PDGFC: variants seen among roughly 807,000 people sequenced by gnomAD.
PDGFC encodes platelet-derived growth factor C.
In PDGFC, 12 loss-of-function variants were observed where a neutral mutation model predicts 35.5. The ratio of observed to expected loss-of-function variants is 0.34; its 90% CI spans 0.22 to 0.55. PDGFC has a LOEUF of 0.55. Among genes scored for constraint, PDGFC ranks in the 20% least tolerant of loss-of-function variants. The probability of loss-of-function intolerance (pLI) is 0.91; values close to 1 mark genes in which losing one functional copy is unlikely to be tolerated. For synonymous variants in PDGFC, 159 were observed against 148.8 expected, an observed-to-expected ratio of 1.07 and a Z score of -0.50; for missense variants, 322 against 412.4, an observed-to-expected ratio of 0.78 and a Z score of 1.90.
At chr4:156,944,656 G>T (rs544269344) in intron 1 of PDGFC, among the ~76,000 whole-genome samples, 1 of 152,034 alleles carries the variant, frequency 6.6e-6, no homozygotes, top group African/African-American at 2.4e-5. Context: ...TCAGGCTGGC[G>T]CCTGACAATC....
intron 3 of PDGFC, among the ~76,000 whole-genome samples, chr4:156,808,779 C>T (rs552371855): frequency 6.6e-6 from 1 of 151,914 alleles, no homozygotes; most frequent in South Asian, 2.1e-4. Context: ...CTTCTGCAGA[C>T]AGTTTATTAA....
intron 1 of PDGFC, among the ~76,000 whole-genome samples, chr4:156,886,342 G>C (rs1425369257): frequency 6.6e-6 from 1 of 152,044 alleles, no homozygotes; most frequent in Non-Finnish European, 1.5e-5. Context: ...AAGACCAAAA[G>C]GTTAACTGCT....
At chr4:156,788,846 T>G (rs2110873305) in intron 3 of PDGFC, among the ~76,000 whole-genome samples, 1 of 152,348 alleles carries the variant, frequency 6.6e-6, no homozygotes. Context: ...GACTTCTGAT[T>G]ATTTTGTGCA....
intron 5 of PDGFC, among the ~76,000 whole-genome samples, chr4:156,764,923 T>C (rs1196399207): frequency 1.3e-5 from 2 of 152,134 alleles, no homozygotes; most frequent in East Asian, 3.9e-4. Context: ...TGTATGCATT[T>C]TCCCATTCAG....
At chr4:156,918,257 T>C (rs554541984) in intron 1 of PDGFC, among the ~76,000 whole-genome samples, 1 of 152,350 alleles carries the variant, frequency 6.6e-6, no homozygotes, top group African/African-American at 2.4e-5. Flanking sequence ...TCTCACTCAG[T>C]ATCATTTTCC....
At chr4:156,942,266 C>T (rs892189987) in intron 1 of PDGFC, among the ~76,000 whole-genome samples, 2 of 152,026 alleles carry the variant, frequency 1.3e-5, no homozygotes, top group Non-Finnish European at 1.5e-5. Context: ...AAGAGCTCAA[C>T]GCAAACAGGA....
chr4:156,768,450 T>C (rs1463019887), intron 4 of PDGFC, among the ~76,000 whole-genome samples: 1 of 152,108 alleles, frequency 6.6e-6, no homozygotes, highest in East Asian at 1.9e-4. Context: ...AACAATTTAT[T>C]GAAATGTGTC....
At chr4:156,798,704 G>A (rs1483923289) in intron 3 of PDGFC, among the ~76,000 whole-genome samples, 1 of 152,088 alleles carries the variant, frequency 6.6e-6, no homozygotes, top group Non-Finnish European at 1.5e-5. Flanking sequence ...TCCTCACTCA[G>A]GTATTGAAAG....
chr4:156,901,645 A>G (rs935561041), intron 1 of PDGFC, among the ~76,000 whole-genome samples: 15 of 151,898 alleles, frequency 9.9e-5, no homozygotes, highest in African/African-American at 3.6e-4. Flanking sequence ...TTTCTAAGAC[A>G]GAGTCCTGCT....
intron 5 of PDGFC, 74 bp from the exon 6 acceptor site, chr4:156,763,280 G>A (rs917673908): frequency 5.2e-5 from 34 of 651,982 alleles, no homozygotes; most frequent in East Asian, 1.8e-4. Flanking sequence ...AACAAGTAAC[G>A]TTTTAGAAAA....
intron 1 of PDGFC, among the ~76,000 whole-genome samples, chr4:156,877,444 C>G (rs6816164): frequency 0.016 from 2,373 of 151,998 alleles, 61 homozygotes; most frequent in African/African-American, 0.054. Context: ...GTAAGTCAAT[C>G]GTGAAATTAT....
chr4:156,835,680 T>C (rs1337351994), intron 2 of PDGFC, among the ~76,000 whole-genome samples: 2 of 152,168 alleles, frequency 1.3e-5, no homozygotes, highest in African/African-American at 4.8e-5. Context: ...AATGACAAAA[T>C]AGGCAAAGTA....
intron 1 of PDGFC, among the ~76,000 whole-genome samples, chr4:156,944,710 C>T (rs1731896737): frequency 1.3e-5 from 2 of 152,146 alleles, no homozygotes; most frequent in Non-Finnish European, 2.9e-5. Context: ...ATACCAACAG[C>T]TCTCATTTCA....
At chr4:156,943,444 C>T (rs145551867) in intron 1 of PDGFC, among the ~76,000 whole-genome samples, 13 of 152,130 alleles carry the variant, frequency 8.5e-5, no homozygotes, top group Admixed American at 7.2e-4. Context: ...AGGCCCCACC[C>T]GCAAGCCTAC....
rs143927234 is a variant in PDGFC, at chr4:156,951,666, T to A, written c.118+19120A>T. On this transcript the variant is annotated intron_variant, in intron 1 of 5. Coordinates refer to ENST00000502773, the MANE Select transcript of PDGFC (RefSeq NM_016205.3). Reference sequence around the variant, plus strand: ...CAGTCTTAATTTTGTGATACTATTCTGGACAGAGAAAGGTCCTTCTTAATT... The same window carrying A: ...CAGTCTTAATTTTGTGATACTATTCAGGACAGAGAAAGGTCCTTCTTAATT... Among the ~76,000 whole-genome samples the A allele has an allele frequency of 5.9e-3, 898 of 151,274 alleles. 9 individuals carry two copies. Among genetic ancestry groups the A allele is most frequent in the African/African-American group, 0.02 (847 of 41,330 alleles).
chr4:156,804,599 A>T (rs1731708338), intron 3 of PDGFC, among the ~76,000 whole-genome samples: 1 of 151,860 alleles, frequency 6.6e-6, no homozygotes, highest in Non-Finnish European at 1.5e-5. Flanking sequence ...TTTTATAGGT[A>T]TTTTTTTCCT....
intron 3 of PDGFC, among the ~76,000 whole-genome samples, 163 bp from the exon 4 acceptor site, chr4:156,773,056 G>T (rs1730731002): frequency 6.6e-6 from 1 of 152,196 alleles, no homozygotes; most frequent in South Asian, 2.1e-4. Context: ...TCATGAAGAT[G>T]AACTCTGATA....
At chr4:156,935,825 G>C (rs564915623) in intron 1 of PDGFC, among the ~76,000 whole-genome samples, 4 of 152,036 alleles carry the variant, frequency 2.6e-5, no homozygotes, top group African/African-American at 9.6e-5. Context: ...TGAAAAATGA[G>C]ACTACACTGT....
intron 1 of PDGFC, among the ~76,000 whole-genome samples, chr4:156,915,411 T>C (rs965438472): frequency 1.3e-5 from 2 of 151,826 alleles, no homozygotes; most frequent in Non-Finnish European, 2.9e-5. Flanking sequence ...TGTCTTTCTC[T>C]CAAAAGGGGG....
Sources: allele counts gnomAD v4.1 joint callset (sites outside exome capture counted in the v4.1 genomes callset), GRCh38; gene constraint gnomAD v4.1.1; transcripts MANE v1.5; gene names NCBI Gene and HGNC (gene_info 2026-07-23, HGNC 2026-07-21).